Variants in COL2A1 observed in about 807,000 individuals in gnomAD.
The protein encoded by COL2A1 is collagen type II alpha 1 chain, also known as collagen alpha-1(II) chain.
COL2A1 carries 28 observed loss-of-function variants against 204.5 expected under a neutral mutation model. The observed-to-expected ratio is 0.14, with a 90% CI of 0.10 to 0.19. The LOEUF is 0.19. COL2A1 is among the 10% of genes least tolerant of loss of function. The probability of loss-of-function intolerance (pLI) is 1.00; values close to 1 mark genes in which losing one functional copy is unlikely to be tolerated. For synonymous variants in COL2A1, 708 were observed against 718.7 expected (o/e 0.99, Z 0.24); for missense variants, 1,388 against 2,027.5 (o/e 0.68, Z 6.06).
At position 47,978,433 on chromosome 12, in the gene COL2A1, G is replaced by A. The variant is rs1257570365; in HGVS notation, c.2896-35C>T. 6.2e-7 allele frequency: 1 copy of A among 1,604,236 alleles called. No homozygotes were observed. Among genetic ancestry groups the A allele is most frequent in the Non-Finnish European group, 8.5e-7 (1 of 1,173,836 alleles). On this transcript the variant is annotated intron_variant, in intron 42 of 53. Coordinates refer to ENST00000380518, the MANE Select transcript of COL2A1 (RefSeq NM_001844.5). This position sits in a 1 kb window ranked among gnomAD's most constrained non-coding sequence, Gnocchi z 5.5. ...GAGAGGCAGGAGATGAGAACTGACA[G>A]TGGCCCAGCCTCTTCTGTCCTCTCA... is the stretch of plus-strand genomic sequence containing the variant.
intron 40 of COL2A1, 64 bp downstream of exon 40, chr12:47,979,945 T>G (rs1592205600): frequency 1.4e-6 from 2 of 1,415,746 alleles, no homozygotes; most frequent in East Asian, 2.5e-5. Flanking sequence ...ACCCCCGCCA[T>G]GGGAGCCTCT....
At chr12:47,994,699 C>A (rs41317897) in intron 11 of COL2A1, among the ~76,000 whole-genome samples, 1 of 152,236 alleles carries the variant, frequency 6.6e-6, no homozygotes, top group African/African-American at 2.4e-5. Flanking sequence ...TCTGTCCTCA[C>A]CAGCCTCCAA....
At chr12:47,982,969 T>C in intron 32 of COL2A1, 23 bp from the exon 33 acceptor site, 1 of 1,611,246 alleles carries the variant, frequency 6.2e-7, no homozygotes, top group Non-Finnish European at 8.5e-7. Flanking sequence ...CACCAAGAAG[T>C]GATCAACCAA....
intron 41 of COL2A1, among the ~76,000 whole-genome samples, chr12:47,979,097 C>T (rs74086446): frequency 0.025 from 3,750 of 152,144 alleles, 193 homozygotes; most frequent in African/African-American, 0.085. Context: ...AGCTTGCCCC[C>T]AGCACTCTCT....
At chr12:47,999,482 C>G (rs903553228) in intron 2 of COL2A1, among the ~76,000 whole-genome samples, 1 of 152,178 alleles carries the variant, frequency 6.6e-6, no homozygotes, top group African/African-American at 2.4e-5. Context: ...GCTGGCAGAG[C>G]TTTCTCCACA....
chr12:47,979,449 T>A, intron 41 of COL2A1, 62 bp downstream of exon 41: 1 of 1,546,216 alleles, frequency 6.5e-7, no homozygotes, highest in South Asian at 1.1e-5. Flanking sequence ...CAGACCCTGT[T>A]GGGTGCTGGG....
Position 47,996,037 on chromosome 12 carries a change from G to C in COL2A1, c.610-118C>G, listed in dbSNP as rs989799849. The C allele has an allele frequency of 5.0e-6, 4 of 802,006 alleles. 1 individual carries two copies. In the South Asian group the frequency reaches 5.7e-5, roughly 11 times the overall value. The allele number at this position is 802,006 out of a possible 1,614,324, so 49.7% of individuals were successfully genotyped here. A position where few individuals can be genotyped will look rare whatever the true frequency, so the allele number is the denominator to read the frequency against. On this transcript the variant is annotated intron_variant, in intron 8 of 53. Coordinates refer to ENST00000380518, the MANE Select transcript of COL2A1 (RefSeq NM_001844.5). ...GGACAAGAAGTTACTCTGTGGGCAAGGGGCCTAGAGTGGCTGCTCCCTCTC... is the reference window on the plus strand; with the variant it reads ...GGACAAGAAGTTACTCTGTGGGCAACGGGCCTAGAGTGGCTGCTCCCTCTC...
chr12:47,983,956 AGAGT>A, intron 29 of COL2A1, 127 bp downstream of exon 29: 1 of 990,318 alleles, frequency 1.0e-6, no homozygotes. Context: ...GCCTCAGCTC[AGAGT>A]GAGTCTGGTG....
Position 47,980,442 on chromosome 12 carries a change from G to A in COL2A1, c.2625+112C>T. ...ATGGAAGCTCCTTCTACCAACATGGGGGTGTTCCCAGGCCTGCGAACCATC... is the reference window on the plus strand; with the variant it reads ...ATGGAAGCTCCTTCTACCAACATGGAGGTGTTCCCAGGCCTGCGAACCATC... On this transcript the variant is annotated intron_variant, in intron 39 of 53. Coordinates refer to ENST00000380518, the MANE Select transcript of COL2A1 (RefSeq NM_001844.5). This position sits in a 1 kb window ranked among gnomAD's most constrained non-coding sequence, Gnocchi z 4.5. 1.0e-6 allele frequency: 1 copy of A among 958,744 alleles called. No homozygotes were observed. The highest frequency in any genetic ancestry group is 2.6e-5 in the East Asian group (1 of 38,298). 59.4% of individuals were successfully genotyped at this position (958,744 alleles called of 1,614,324 possible).
chr12:48,003,968 A>G (rs1940353056), intron 1 of COL2A1, among the ~76,000 whole-genome samples: 1 of 152,218 alleles, frequency 6.6e-6, no homozygotes, highest in Non-Finnish European at 1.5e-5. Flanking sequence ...CCGAGCCAAC[A>G]CTTTGCAAGT....
chr12:47,998,599 C>T, intron 2 of COL2A1, 168 bp from the exon 3 acceptor site: 1 of 687,212 alleles, frequency 1.5e-6, no homozygotes, highest in Non-Finnish European at 2.5e-6. Flanking sequence ...GTGTTAGGGC[C>T]ACTGTGGCCC....
intron 23 of COL2A1, 60 bp from the exon 24 acceptor site, chr12:47,986,025 C>T: frequency 6.7e-7 from 1 of 1,496,772 alleles, no homozygotes; most frequent in Non-Finnish European, 9.1e-7. Context: ...AGCCAGGCTC[C>T]AGTGGGTCCA....
rs1938830569 is a variant in COL2A1 at position 47,978,232 on chromosome 12, G to T, written c.3003+59C>A. The T allele has an allele frequency of 6.3e-7, 1 of 1,598,940 alleles. No individual in the cohort carries two copies. The highest frequency in any genetic ancestry group is 1.7e-5 in the Admixed American group (1 of 59,184). On this transcript the variant is annotated intron_variant, in intron 43 of 53. Transcript: ENST00000380518. The surrounding 1 kb of genome is among the most constrained non-coding windows in gnomAD (Gnocchi z 5.5). ...GACAGTCCTGAGGGTGCTGAGGGAG[G>T]TAGAAGCCTTGGCAGGCAGGGCCCA...
Position 47,973,271 on chromosome 12 carries a change from G to A in COL2A1, c.*136C>T, listed in dbSNP as rs41272777. On this transcript the variant is annotated 3_prime_UTR_variant, in exon 54 of 54. Transcript: ENST00000380518. ...TTAGAAAGAGAGGGGAGAAAAGTCC[G>A]AACTGTGAGAGGGTGGGATGAATGG... The A allele has an allele frequency of 0.067, 78,411 of 1,171,608 alleles. 3,078 individuals carry two copies. The highest frequency in any genetic ancestry group is 0.081 in the Non-Finnish European group (62,727 of 778,062). The allele number at this position is 1,171,608 out of a possible 1,614,324, so 72.6% of individuals were successfully genotyped here. A position where few individuals can be genotyped will look rare whatever the true frequency, so the allele number is the denominator to read the frequency against.
At chr12:47,995,383 T>C in intron 10 of COL2A1, 75 bp from the exon 11 acceptor site, 6 of 1,298,292 alleles carry the variant, frequency 4.6e-6, no homozygotes, top group Non-Finnish European at 3.4e-6. Flanking sequence ...AACTTTGACA[T>C]TGTAGTTTTG....
intron 40 of COL2A1, 131 bp from the exon 41 acceptor site, chr12:47,979,695 A>G (rs1938931273): frequency 1.1e-6 from 1 of 872,128 alleles, no homozygotes; most frequent in Admixed American, 2.0e-5. Context: ...AGCAAGGGGG[A>G]TCCAGGGAGG....
chr12:47,982,076 C>CCCAGCAGT (rs1464776345), intron 35 of COL2A1, 31 bp downstream of exon 35: 2 of 1,610,152 alleles, frequency 1.2e-6, no homozygotes, highest in South Asian at 2.2e-5. Context: ...GATCCTAATG[C>CCCAGCAGT]CCAGCAGTCC....
chr12:47,989,736 CCTG>C (rs755994707), intron 17 of COL2A1, 22 bp downstream of exon 17: 1 of 1,611,148 alleles, frequency 6.2e-7, no homozygotes, highest in South Asian at 1.1e-5. Flanking sequence ...GCAACAATGA[CCTG>C]CTGAGGATGA....
chr12:47,995,674 C>T (rs770462256), intron 10 of COL2A1, 36 bp downstream of exon 10: 1 of 1,601,750 alleles, frequency 6.2e-7, no homozygotes, highest in African/African-American at 1.3e-5. Flanking sequence ...ATTAGAGGCT[C>T]CCCCAGAGAA....
Sources: allele counts gnomAD v4.1 joint callset (sites outside exome capture counted in the v4.1 genomes callset), GRCh38; gene constraint gnomAD v4.1.1; non-coding constraint Gnocchi (gnomAD v3.1); transcripts MANE v1.5; gene names NCBI Gene and HGNC (gene_info 2026-07-23, HGNC 2026-07-21).